TRPM7: variants seen among roughly 807,000 people sequenced by gnomAD.
The protein encoded by TRPM7 is LTRPC ion channel family member 7.
A neutral mutation model predicts 229.7 loss-of-function variants in TRPM7; 134 were observed. The ratio of observed to expected loss-of-function variants is 0.58; its 90% CI spans 0.51 to 0.67. The LOEUF (loss-of-function observed/expected upper bound fraction) is 0.67. Among genes scored for constraint, TRPM7 ranks in the 30% least tolerant of loss-of-function variants. The probability of loss-of-function intolerance (pLI) is 0.00; values close to 1 mark genes in which losing one functional copy is unlikely to be tolerated. For synonymous variants in TRPM7, 699 were observed against 715.2 expected, an observed-to-expected ratio of 0.98 and a Z score of 0.36; for missense variants, 1,901 against 2,210.0, an observed-to-expected ratio of 0.86 and a Z score of 2.80.
chr15:50,678,007 A>T (rs1412328047), intron 1 of TRPM7, among the ~76,000 whole-genome samples: 1 of 152,000 alleles, frequency 6.6e-6, no homozygotes, highest in Non-Finnish European at 1.5e-5. Context: ...TGGGAGGCCG[A>T]GGCGGGCGGA....
chr15:50,681,152 G>T (rs1006964850), intron 1 of TRPM7, among the ~76,000 whole-genome samples: 3 of 152,220 alleles, frequency 2.0e-5, no homozygotes, highest in African/African-American at 7.2e-5. Flanking sequence ...TCAGGAGGCT[G>T]AGGCAGGAGA....
intron 20 of TRPM7, among the ~76,000 whole-genome samples, chr15:50,605,742 C>T (rs62017169): frequency 0.15 from 22,187 of 152,180 alleles, 2,206 homozygotes; most frequent in Admixed American, 0.28. Context: ...GTCTCATGAA[C>T]ACTTGCAGAG....
intron 1 of TRPM7, among the ~76,000 whole-genome samples, chr15:50,676,035 C>T (rs2062086656): frequency 6.6e-6 from 1 of 152,202 alleles, no homozygotes; most frequent in African/African-American, 2.4e-5. Flanking sequence ...ACAAAATGAT[C>T]CATGTAAGTT....
At position 50,644,510 on chromosome 15, in the gene TRPM7, T is replaced by C. The variant is rs192037110; in HGVS notation, c.322-957A>G. On this transcript the variant is annotated intron_variant, in intron 4 of 38. Coordinates refer to ENST00000646667, the MANE Select transcript of TRPM7 (RefSeq NM_017672.6). ...GAAAATCTCAGTACTGACAAACAAA[T>C]GAAGCCAAAAGGCCAGGCACAGTGG... is the stretch of plus-strand genomic sequence containing the variant. Among the ~76,000 whole-genome samples, 9 of 152,172 alleles carry C rather than the reference T, an allele frequency of 5.9e-5. No individual in the cohort carries two copies. In the East Asian group the frequency reaches 1.5e-3, roughly 26 times the overall value.
rs1358236990 is a variant in TRPM7, at chr15:50,641,751, G to A, written c.535+1589C>T. Among the ~76,000 whole-genome samples, 17 of 152,266 alleles carry A rather than the reference G, an allele frequency of 1.1e-4. No individual in the cohort carries two copies. The East Asian group carries it at 3.3e-3, about 29-fold the overall frequency. The stretch of plus-strand genomic sequence containing the variant: ...GCAGTGGCTCACACCTGTAACCCCA[G>A]TACTTTGGGAGGCCTAGGCGGGCGG... On this transcript the variant is annotated intron_variant, in intron 5 of 38. Transcript: ENST00000646667.
At chr15:50,601,372 G>T (rs577084422) in intron 21 of TRPM7, among the ~76,000 whole-genome samples, 2 of 152,124 alleles carry the variant, frequency 1.3e-5, no homozygotes, top group African/African-American at 2.4e-5. Flanking sequence ...TACTGGGCAC[G>T]GTGGCTCACG....
chr15:50,571,317 T>C (rs1257397980), intron 36 of TRPM7, among the ~76,000 whole-genome samples: 1 of 152,228 alleles, frequency 6.6e-6, no homozygotes, highest in African/African-American at 2.4e-5. Flanking sequence ...ACTCTGGCAG[T>C]TGTTATTAAA....
At chr15:50,614,926 T>A (rs2060177272) in intron 13 of TRPM7, among the ~76,000 whole-genome samples, 1 of 151,880 alleles carries the variant, frequency 6.6e-6, no homozygotes. Flanking sequence ...TCCCAGCACT[T>A]TGGGAAGCCG....
In TRPM7 at chr15:50,570,005, G is replaced by T; in HGVS notation, c.5361-12C>A. The T allele has an allele frequency of 6.3e-7, 1 of 1,593,552 alleles. No homozygotes were observed. Among genetic ancestry groups the T allele is most frequent in the Non-Finnish European group, 8.5e-7 (1 of 1,170,930 alleles). On this transcript the variant is annotated splice_polypyrimidine_tract_variant and intron_variant, in intron 37 of 38. Transcript: ENST00000646667. ...CCATATCACAGGATCTGTAGAATTG[G>T]TAATTTTAAAAAAAACAACAAAAAA...
intron 22 of TRPM7, among the ~76,000 whole-genome samples, chr15:50,597,566 A>T (rs1390106854): frequency 6.6e-6 from 1 of 152,190 alleles, no homozygotes; most frequent in African/African-American, 2.4e-5. Flanking sequence ...AAACTAAAAA[A>T]CTATACTCAA....
At chr15:50,672,517 T>C (rs2062011339) in intron 1 of TRPM7, among the ~76,000 whole-genome samples, 1 of 152,128 alleles carries the variant, frequency 6.6e-6, no homozygotes, top group Admixed American at 6.6e-5. Context: ...ACAATTCTAC[T>C]GATGATCCTG....
chr15:50,617,345 A>AC (rs1478884654), intron 13 of TRPM7, among the ~76,000 whole-genome samples: 1 of 150,684 alleles, frequency 6.6e-6, no homozygotes, highest in African/African-American at 2.4e-5. Context: ...CAAAAAAAAA[A>AC]AAAACAAATC....
At chr15:50,620,407 A>C (rs625022) in intron 12 of TRPM7, among the ~76,000 whole-genome samples, 1 of 152,088 alleles carries the variant, frequency 6.6e-6, no homozygotes, top group Non-Finnish European at 1.5e-5. Context: ...AGGAAAGCCA[A>C]AAGATTGGAC....
At chr15:50,641,010 G>A (rs756269280) in intron 5 of TRPM7, among the ~76,000 whole-genome samples, 1 of 152,108 alleles carries the variant, frequency 6.6e-6, no homozygotes, top group Non-Finnish European at 1.5e-5. Context: ...CAGCAGCCCC[G>A]GCAAACTAAT....
intron 2 of TRPM7, among the ~76,000 whole-genome samples, chr15:50,662,092 C>T (rs1486556959): frequency 6.6e-6 from 1 of 152,092 alleles, no homozygotes; most frequent in African/African-American, 2.4e-5. Flanking sequence ...CGGTGGCTCA[C>T]GCCTGTAATC....
At chr15:50,655,518 G>C (rs191151173) in intron 3 of TRPM7, among the ~76,000 whole-genome samples, 7 of 149,484 alleles carry the variant, frequency 4.7e-5, no homozygotes, top group Non-Finnish European at 1.0e-4. Context: ...AGCAGAATAA[G>C]TACAAAGAGA....
chr15:50,563,879 T>G (rs76819387), intron 38 of TRPM7, among the ~76,000 whole-genome samples: 2,096 of 152,226 alleles, frequency 0.014, 47 homozygotes, highest in African/African-American at 0.049. Context: ...CTTTTTTTTT[T>G]GAGACAAGGT....
intron 10 of TRPM7, among the ~76,000 whole-genome samples, 176 bp from the exon 11 acceptor site, chr15:50,628,425 A>G (rs2060631136): frequency 6.6e-6 from 1 of 151,896 alleles, no homozygotes; most frequent in African/African-American, 2.4e-5. Flanking sequence ...CTCCCGCCTT[A>G]GCCTCCAAGT....
intron 29 of TRPM7, among the ~76,000 whole-genome samples, 155 bp from the exon 30 acceptor site, chr15:50,581,063 TTATAAC>T: frequency 6.6e-6 from 1 of 152,280 alleles, no homozygotes. Context: ...AATTTATTTA[TTATAAC>T]TGTATTTACT....
Sources: gnomAD v4.1 joint callset for allele counts (sites outside exome capture counted in the v4.1 genomes callset) on GRCh38, gnomAD v4.1.1 for gene constraint, MANE v1.5 for transcripts, NCBI Gene and HGNC (gene_info 2026-07-23, HGNC 2026-07-21) for gene names.